PWP1: variants seen among roughly 807,000 people sequenced by gnomAD.
The protein encoded by PWP1 is PWP1 homolog, endonuclein.
Under a neutral mutation model 69.9 loss-of-function variants are expected in PWP1, and 47 were observed. The observed-to-expected ratio is 0.67, with a 90% confidence interval of 0.53 to 0.86. PWP1 has a LOEUF of 0.86. PWP1 is among the 40% of genes least tolerant of loss of function. PWP1 has a pLI of 0.00. For synonymous variants in PWP1, 222 were observed against 208.2 expected (o/e 1.07, Z -0.57); for missense variants, 551 against 608.8 (o/e 0.91, Z 1.00).
chr12:107,706,099 G>A (rs1431817855), intron 11 of PWP1, among the ~76,000 whole-genome samples: 1 of 152,184 alleles, frequency 6.6e-6, no homozygotes, highest in African/African-American at 2.4e-5. Context: ...TCTAACTGGT[G>A]TAAGATGGTA....
In PWP1 at chr12:107,688,719, G is replaced by A; in HGVS notation, c.236G>A (p.Gly79Asp). ...CGCCCAAGAGAGCCCCTGGAGGATG[G>A]TGACCCAGAGGATGACAGGACGCTT... ...QARPREPLED[G>D]DPEDDRTLDD... Residue 79 changes from glycine (G) to aspartate (D), a missense_variant, in exon 3 of 15, where the codon GGT (glycine) becomes GAT (aspartate). By Grantham distance (94) the Gly-to-Asp change is moderately conservative. Coordinates refer to ENST00000412830, the MANE Select transcript of PWP1 (RefSeq NM_007062.3). 5.6e-6 allele frequency: 9 copies of A among 1,614,214 alleles called. No homozygotes were observed. The highest frequency in any genetic ancestry group is 7.6e-6 in the Non-Finnish European group (9 of 1,180,032).
chr12:107,703,720 G>A lies in PWP1; in HGVS notation c.939G>A (p.Gln313=). 1 of 1,605,426 alleles carries A rather than the reference G, an allele frequency of 6.2e-7. No homozygotes were observed. Among genetic ancestry groups the A allele is most frequent in the Non-Finnish European group, 8.5e-7 (1 of 1,172,188 alleles). ...QTLQFHPFEA[Q]TLISGSYDKS... is the part of the protein sequence containing the mutation. ...TGCAGTTTCATCCATTTGAAGCACA[G>A]ACTCTGATTTCTGGCTCATATGATA... is the stretch of plus-strand genomic sequence containing the variant. Residue 313 remains glutamine (Q), a synonymous_variant, in exon 10 of 15, where the codon CAG becomes CAA. Coordinates refer to ENST00000412830, the MANE Select transcript of PWP1 (RefSeq NM_007062.3).
At chr12:107,696,114 C>A (rs1050929419) in intron 5 of PWP1, among the ~76,000 whole-genome samples, 2 of 144,522 alleles carry the variant, frequency 1.4e-5, no homozygotes, top group Non-Finnish European at 3.0e-5. Flanking sequence ...CTCACTGCAA[C>A]CTCCACCTCC....
At chr12:107,709,381 TTGG>T in intron 13 of PWP1, 149 bp downstream of exon 13, 1 of 1,061,934 alleles carries the variant, frequency 9.4e-7, no homozygotes, top group South Asian at 1.7e-5. Context: ...TTAGTCAAAT[TTGG>T]TGGGATTTTA....
At chr12:107,708,168 G>C (rs1179970510) in intron 11 of PWP1, among the ~76,000 whole-genome samples, 1 of 152,090 alleles carries the variant, frequency 6.6e-6, no homozygotes, top group African/African-American at 2.4e-5. Context: ...GAGATTATTT[G>C]CTAACAAATG....
intron 11 of PWP1, among the ~76,000 whole-genome samples, chr12:107,705,149 G>A (rs4964610): frequency 0.63 from 95,278 of 151,750 alleles, 30,330 homozygotes; most frequent in East Asian, 0.7. Context: ...CTGTTAATTT[G>A]TAGCACTATC....
intron 1 of PWP1, 74 bp from the exon 2 acceptor site, chr12:107,688,374 C>T (rs950413082): frequency 1.8e-5 from 25 of 1,386,090 alleles, no homozygotes; most frequent in Non-Finnish European, 2.4e-5. Flanking sequence ...CATTTGTTTG[C>T]AAACTACTTT....
intron 14 of PWP1, among the ~76,000 whole-genome samples, chr12:107,711,098 G>A (rs1889943245): frequency 1.3e-5 from 2 of 152,156 alleles, no homozygotes; most frequent in African/African-American, 4.8e-5. Context: ...CTTTAGCATT[G>A]TTTCTATAGG....
chr12:107,707,796 G>T (rs867768880), intron 11 of PWP1, among the ~76,000 whole-genome samples: 8 of 152,198 alleles, frequency 5.3e-5, no homozygotes, highest in Admixed American at 3.9e-4. Context: ...GCTGGATTCG[G>T]TTTGCCAGTA....
At chr12:107,700,805 C>A (rs1889693491) in intron 8 of PWP1, among the ~76,000 whole-genome samples, 1 of 152,190 alleles carries the variant, frequency 6.6e-6, no homozygotes, top group African/African-American at 2.4e-5. Context: ...CACAAGGGCT[C>A]TAGTGTCTCC....
intron 8 of PWP1, among the ~76,000 whole-genome samples, chr12:107,701,272 C>A (rs1312720628): frequency 6.6e-6 from 1 of 152,088 alleles, no homozygotes; most frequent in African/African-American, 2.4e-5. Flanking sequence ...GGATAACAGG[C>A]ATGAGCCACC....
intron 8 of PWP1, among the ~76,000 whole-genome samples, chr12:107,700,526 T>G (rs1889687003): frequency 6.6e-6 from 1 of 152,226 alleles, no homozygotes; most frequent in Non-Finnish European, 1.5e-5. Context: ...TTTTTAAGGC[T>G]AAATAATATT....
At chr12:107,709,369 G>A in intron 13 of PWP1, 137 bp downstream of exon 13, 1 of 1,173,724 alleles carries the variant, frequency 8.5e-7, no homozygotes, top group South Asian at 1.6e-5. Flanking sequence ...TGAATTTTGA[G>A]TTTAGTCAAA....
intron 6 of PWP1, 84 bp from the exon 7 acceptor site, chr12:107,697,383 G>T: frequency 7.4e-7 from 1 of 1,359,448 alleles, no homozygotes. Flanking sequence ...GCATTTTTCA[G>T]TTAATCTACA....
chr12:107,685,992 GACAAGGGGAGCAGCGTCTTT>G (rs1399270547), intron 1 of PWP1, 21 bp downstream of exon 1: 55 of 1,612,644 alleles, frequency 3.4e-5, no homozygotes, highest in Non-Finnish European at 4.6e-5. Context: ...GTCGCTGGGA[GACAAGGGGAGCAGCGTCTTT>G]ACGGCACTGG....
At chr12:107,697,430 T>C (rs1889611051) in intron 6 of PWP1, 37 bp from the exon 7 acceptor site, 1 of 1,534,780 alleles carries the variant, frequency 6.5e-7, no homozygotes, top group Non-Finnish European at 8.7e-7. Context: ...GTATGTCTTT[T>C]TTTGTGTAAT....
At chr12:107,686,090 G>C in intron 1 of PWP1, 119 bp downstream of exon 1, 1 of 1,120,054 alleles carries the variant, frequency 8.9e-7, no homozygotes. Context: ...TGGCTGGGGT[G>C]AGGGCGGCTT....
At chr12:107,688,275 A>G (rs1481857391) in intron 1 of PWP1, among the ~76,000 whole-genome samples, 173 bp from the exon 2 acceptor site, 1 of 144,644 alleles carries the variant, frequency 6.9e-6, no homozygotes, top group South Asian at 2.2e-4. Context: ...TCTTATTTGT[A>G]AGAATCTATA....
chr12:107,689,726 A>C (rs752251974), intron 3 of PWP1, among the ~76,000 whole-genome samples: 6 of 152,226 alleles, frequency 3.9e-5, no homozygotes, highest in Non-Finnish European at 8.8e-5. Context: ...AGCCTGGGTG[A>C]CACAGTGGGA....
Sources: gnomAD v4.1 joint callset for allele counts (sites outside exome capture counted in the v4.1 genomes callset) on GRCh38, gnomAD v4.1.1 for gene constraint, MANE v1.5 for transcripts, NCBI Gene and HGNC (gene_info 2026-07-23, HGNC 2026-07-21) for gene names.